STPG2: variants seen among roughly 807,000 people sequenced by gnomAD.
STPG2 encodes sperm tail PG-rich repeat containing 2, also known as sperm-tail PG-rich repeat-containing protein 2.
A neutral mutation model predicts 54.2 loss-of-function variants in STPG2; 56 were observed. That is an observed-to-expected ratio of 1.03 (90% CI 0.83 to 1.29). The LOEUF is 1.29. STPG2 is among the 50% of genes most tolerant of loss of function. The pLI, the probability that STPG2 is intolerant of heterozygous loss-of-function variation, is 0.00. For synonymous variants in STPG2, 200 were observed against 181.8 expected (o/e 1.10, Z -0.81); for missense variants, 596 against 544.9 (o/e 1.09, Z -0.93).
intron 5 of STPG2, among the ~76,000 whole-genome samples, chr4:98,036,461 AAATACTATGCAGC>A: frequency 6.6e-6 from 1 of 152,188 alleles, no homozygotes; most frequent in East Asian, 1.9e-4. Flanking sequence ...GTATACCATG[AAATACTATGCAGC>A]AATAAAAAAG....
chr4:97,600,228 C>A (rs1733422740), intron 10 of STPG2, among the ~76,000 whole-genome samples: 1 of 152,014 alleles, frequency 6.6e-6, no homozygotes, highest in African/African-American at 2.4e-5. Context: ...ACATGTGCCC[C>A]AACCCTAAAA....
chr4:98,022,033 G>C (rs914803979), intron 5 of STPG2, among the ~76,000 whole-genome samples: 10 of 151,754 alleles, frequency 6.6e-5, no homozygotes, highest in Middle Eastern at 3.4e-3. Flanking sequence ...AGTTAATATT[G>C]TTATGTGTGA....
intron 9 of STPG2, among the ~76,000 whole-genome samples, chr4:97,737,046 G>T (rs1390171405): frequency 6.6e-6 from 1 of 152,120 alleles, no homozygotes; most frequent in African/African-American, 2.4e-5. Flanking sequence ...CAGCATTCGC[G>T]GTTCACAAAA....
At chr4:97,947,760 G>A (rs1462969687) in intron 7 of STPG2, among the ~76,000 whole-genome samples, 1 of 151,932 alleles carries the variant, frequency 6.6e-6, no homozygotes, top group Admixed American at 6.6e-5. Context: ...AAGCCCACTT[G>A]TTCATGATGT....
intron 8 of STPG2, among the ~76,000 whole-genome samples, chr4:97,848,466 A>G (rs1729036965): frequency 6.6e-6 from 1 of 152,164 alleles, no homozygotes; most frequent in Admixed American, 6.6e-5. Flanking sequence ...GTGAAAAATG[A>G]CAGTAGGAAT....
chr4:97,616,057 AATATATATATATATATATATATAT>A (rs70953077), intron 10 of STPG2, among the ~76,000 whole-genome samples: 7 of 37,382 alleles, frequency 1.9e-4, no homozygotes, highest in South Asian at 1.4e-3. Context: ...AATACATATA[AATATATATATATATATATATATAT>A]ATATATATAT....
chr4:97,992,961 C>T (rs1735068302), intron 5 of STPG2, among the ~76,000 whole-genome samples: 1 of 152,094 alleles, frequency 6.6e-6, no homozygotes, highest in Non-Finnish European at 1.5e-5. Flanking sequence ...AATTCATTTA[C>T]CAATTCTAGG....
At chr4:97,934,130 G>A (rs935026993) in intron 8 of STPG2, among the ~76,000 whole-genome samples, 1 of 152,168 alleles carries the variant, frequency 6.6e-6, no homozygotes, top group Non-Finnish European at 1.5e-5. Flanking sequence ...TAGCAAGTGT[G>A]AATGGGAATT....
At chr4:97,664,147 G>A (rs1722454477) in intron 10 of STPG2, among the ~76,000 whole-genome samples, 1 of 152,112 alleles carries the variant, frequency 6.6e-6, no homozygotes, top group Admixed American at 6.5e-5. Context: ...TGTTTTCCAA[G>A]TGTTTTCTAT....
chr4:97,754,302 G>A (rs981714686), intron 9 of STPG2, among the ~76,000 whole-genome samples: 2 of 152,050 alleles, frequency 1.3e-5, no homozygotes, highest in African/African-American at 2.4e-5. Context: ...TAGCTGGAAT[G>A]CTAAGAAAGT....
chr4:97,943,988 C>A lies in STPG2; in HGVS notation c.953G>T (p.Gly318Val). ...AGGTAATTCATCAGAAATTCCCACACCCTGTGAATGCCAAAATTCCTGTTG... is the reference window on the plus strand; with the variant it reads ...AGGTAATTCATCAGAAATTCCCACAACCTGTGAATGCCAAAATTCCTGTTG... ...ADYQEFWHSQ[G>V]VGISDELPNL... Residue 318 changes from glycine to valine, a missense_variant, in exon 8 of 11, where the codon GGT (glycine) becomes GTT (valine). Gly to Val is a moderately radical substitution (Grantham distance 109). Coordinates refer to ENST00000295268, the MANE Select transcript of STPG2 (RefSeq NM_174952.3). 6.2e-7 allele frequency: 1 copy of A among 1,609,512 alleles called. No individual in the cohort carries two copies. The highest frequency in any genetic ancestry group is 8.5e-7 in the Non-Finnish European group (1 of 1,178,254).
At chr4:98,115,292 C>T (rs1364249700) in intron 3 of STPG2, among the ~76,000 whole-genome samples, 1 of 151,916 alleles carries the variant, frequency 6.6e-6, no homozygotes, top group African/African-American at 2.4e-5. Context: ...TAGTTCCCAG[C>T]ATGTTATCAT....
At chr4:98,065,396 T>C (rs1354059926) in intron 5 of STPG2, among the ~76,000 whole-genome samples, 1 of 152,088 alleles carries the variant, frequency 6.6e-6, no homozygotes. Flanking sequence ...AAATAAAATC[T>C]TTTTTCTATA....
At chr4:97,521,463 T>G (rs9994315) in intron 4 of STPG2, among the ~76,000 whole-genome samples, 72,198 of 151,800 alleles carry the variant, frequency 0.48, 18,118 homozygotes, top group South Asian at 0.63. Context: ...AGCGCACCAC[T>G]GTAGATCATT....
chr4:97,454,687 A>G (rs1419281022), intron 4 of STPG2, among the ~76,000 whole-genome samples: 3 of 152,082 alleles, frequency 2.0e-5, no homozygotes, highest in Non-Finnish European at 4.4e-5. Context: ...AAAATCTGGA[A>G]TATTAGAATA....
chr4:97,571,975 C>G (rs1410418294), intron 10 of STPG2, among the ~76,000 whole-genome samples: 1 of 152,160 alleles, frequency 6.6e-6, no homozygotes, highest in Non-Finnish European at 1.5e-5. Context: ...AACTCCTGGA[C>G]TTCACCATTT....
chr4:97,814,304 G>C (rs1431522437), intron 9 of STPG2, among the ~76,000 whole-genome samples: 1 of 151,854 alleles, frequency 6.6e-6, no homozygotes, highest in Non-Finnish European at 1.5e-5. Flanking sequence ...TATTAATTTA[G>C]GACTTTCTAA....
intron 6 of STPG2, among the ~76,000 whole-genome samples, chr4:97,978,378 A>G (rs1386827765): frequency 6.6e-6 from 1 of 152,232 alleles, no homozygotes; most frequent in African/African-American, 2.4e-5. Flanking sequence ...ATGGAGCTAC[A>G]GGCCATTATC....
At chr4:97,736,766 C>A (rs550431873) in intron 9 of STPG2, among the ~76,000 whole-genome samples, 13 of 152,304 alleles carry the variant, frequency 8.5e-5, no homozygotes, top group Admixed American at 8.5e-4. Context: ...TCTGTAGGCT[C>A]CACTTCTGGG....
Sources: gnomAD v4.1 joint callset for allele counts (sites outside exome capture counted in the v4.1 genomes callset) on GRCh38, gnomAD v4.1.1 for gene constraint, MANE v1.5 for transcripts, NCBI Gene and HGNC (gene_info 2026-07-23, HGNC 2026-07-21) for gene names.